The following GPBP1 variants were observed in gnomAD, a reference collection of about 807,000 sequenced individuals.
GPBP1 encodes the protein GC-rich promoter binding protein 1, also known as vasculin.
In GPBP1, 13 loss-of-function variants were observed where a neutral mutation model predicts 56.5. The ratio of observed to expected loss-of-function variants is 0.23; its 90% CI spans 0.15 to 0.37. The LOEUF (loss-of-function observed/expected upper bound fraction) is 0.37, where lower values mean the gene tolerates loss of function less well. GPBP1 is among the 10% of genes least tolerant of loss of function. The probability of loss-of-function intolerance (pLI) is 1.00; values close to 1 mark genes in which losing one functional copy is unlikely to be tolerated. For synonymous variants in GPBP1, 204 were observed against 188.9 expected (o/e 1.08, Z -0.66); for missense variants, 477 against 572.3 (o/e 0.83, Z 1.70).
At chr5:57,237,015 A>C in intron 6 of GPBP1, 1 of 504,150 alleles carries the variant, frequency 2.0e-6, no homozygotes. Context: ...GGGCTTTTTG[A>C]GGGTGGGGGT....
intron 9 of GPBP1, among the ~76,000 whole-genome samples, chr5:57,250,572 T>C (rs1386197682): frequency 1.3e-5 from 2 of 151,618 alleles, no homozygotes; most frequent in Non-Finnish European, 2.9e-5. Context: ...TTTTAGAGTT[T>C]TGCTCTTGTC....
intron 3 of GPBP1, among the ~76,000 whole-genome samples, chr5:57,228,007 A>G (rs771050474): frequency 1.3e-5 from 2 of 152,244 alleles, no homozygotes; most frequent in African/African-American, 2.4e-5. Flanking sequence ...TACTAGAAAT[A>G]AAGTTGCTAG....
chr5:57,226,709 G>T (rs1340252224), intron 3 of GPBP1, among the ~76,000 whole-genome samples: 4 of 144,346 alleles, frequency 2.8e-5, no homozygotes, highest in Non-Finnish European at 6.0e-5. Context: ...GCGCCACCAA[G>T]CCTGGCTAAT....
chr5:57,261,319 C>T (rs1741883543), intron 11 of GPBP1, 37 bp downstream of exon 11: 1 of 1,137,998 alleles, frequency 8.8e-7, no homozygotes, highest in African/African-American at 1.5e-5. Context: ...CACTTTTAAA[C>T]TGCCCTTATT....
chr5:57,193,546 G>A (rs1754617414), intron 2 of GPBP1, among the ~76,000 whole-genome samples: 1 of 149,000 alleles, frequency 6.7e-6, no homozygotes, highest in Non-Finnish European at 1.5e-5. Context: ...CCCAGGAGGT[G>A]GAGGTTGCAG....
chr5:57,195,972 C>T (rs1381412860), intron 2 of GPBP1, among the ~76,000 whole-genome samples: 33 of 90,112 alleles, frequency 3.7e-4, no homozygotes, highest in Admixed American at 1.6e-3. Context: ...CAGAGTGAAA[C>T]TCCATCTCAA....
At chr5:57,212,039 C>T (rs147058441) in intron 2 of GPBP1, among the ~76,000 whole-genome samples, 8 of 152,124 alleles carry the variant, frequency 5.3e-5, no homozygotes, top group Admixed American at 2.0e-4. Flanking sequence ...CAGGTTCAAG[C>T]GATTTTCCTG....
chr5:57,253,458 T>C (rs541966137), intron 10 of GPBP1, among the ~76,000 whole-genome samples: 21 of 152,348 alleles, frequency 1.4e-4, no homozygotes, highest in African/African-American at 4.8e-4. Flanking sequence ...AACTGGGTTA[T>C]ATCTCCTCTT....
intron 2 of GPBP1, among the ~76,000 whole-genome samples, chr5:57,202,864 C>A (rs1356333027): frequency 6.6e-6 from 1 of 152,002 alleles, no homozygotes; most frequent in African/African-American, 2.4e-5. Context: ...AAATTTTATC[C>A]CAATGAGTTC....
chr5:57,220,215 A>G (rs367993426), intron 3 of GPBP1, among the ~76,000 whole-genome samples: 18 of 151,714 alleles, frequency 1.2e-4, no homozygotes, highest in East Asian at 9.8e-4. Context: ...GTCTTGAACT[A>G]CTGAGCTCAG....
At position 57,185,990 on chromosome 5, in the gene GPBP1, C is replaced by T. The variant is rs924201196; in HGVS notation, c.-58+9590C>T. ...AGGCAAAAAAATTGGGTTGTCTTAA[C>T]GAATTGTGAGAATTCTTCATGTATT... On this transcript the variant is annotated intron_variant, in intron 2 of 11. Transcript: ENST00000506184. Among the ~76,000 whole-genome samples, 5 of 151,490 alleles carry T rather than the reference C, an allele frequency of 3.3e-5. 1 individual carries two copies. The highest frequency in any genetic ancestry group is 7.4e-5 in the Non-Finnish European group (5 of 67,944).
intron 6 of GPBP1, among the ~76,000 whole-genome samples, chr5:57,239,311 T>C (rs1171602492): frequency 6.6e-6 from 1 of 152,204 alleles, no homozygotes; most frequent in African/African-American, 2.4e-5. Flanking sequence ...ATTGTTGATA[T>C]TTGTGAAATG....
intron 2 of GPBP1, among the ~76,000 whole-genome samples, chr5:57,201,162 A>T (rs551132106): frequency 2.0e-5 from 3 of 152,002 alleles, no homozygotes; most frequent in Admixed American, 2.0e-4. Context: ...TCTGTATCGT[A>T]TGAGGTAATT....
At chr5:57,227,473 C>T (rs1397074664) in intron 3 of GPBP1, among the ~76,000 whole-genome samples, 1 of 152,126 alleles carries the variant, frequency 6.6e-6, no homozygotes, top group Non-Finnish European at 1.5e-5. Flanking sequence ...GGATTATGGC[C>T]ATGAGACACT....
intron 11 of GPBP1, among the ~76,000 whole-genome samples, chr5:57,261,586 G>C (rs1741895507): frequency 6.6e-6 from 1 of 152,114 alleles, no homozygotes; most frequent in Non-Finnish European, 1.5e-5. Context: ...TTAAACTATT[G>C]GGTGTGCAAT....
chr5:57,199,170 A>G (rs957057728), intron 2 of GPBP1, among the ~76,000 whole-genome samples: 1 of 152,232 alleles, frequency 6.6e-6, no homozygotes, highest in Non-Finnish European at 1.5e-5. Context: ...TTCTTTTAAC[A>G]TACAAAATAG....
At chr5:57,189,470 C>G (rs989812308) in intron 2 of GPBP1, among the ~76,000 whole-genome samples, 19 of 152,170 alleles carry the variant, frequency 1.2e-4, no homozygotes, top group African/African-American at 4.6e-4. Flanking sequence ...GTTGGACAGG[C>G]AGGTCTCGAA....
At chr5:57,216,311 T>C (rs1755696222) in intron 3 of GPBP1, among the ~76,000 whole-genome samples, 10 of 152,194 alleles carry the variant, frequency 6.6e-5, no homozygotes, top group Admixed American at 6.5e-4. Context: ...CCTGTCTTCT[T>C]GATTACAGCT....
At chr5:57,230,124 G>C (rs892574349) in intron 3 of GPBP1, among the ~76,000 whole-genome samples, 2 of 151,836 alleles carry the variant, frequency 1.3e-5, no homozygotes, top group East Asian at 3.9e-4. Context: ...GTAGAGACGG[G>C]GTTTCTCCAT....
Sources: gnomAD v4.1 joint callset for allele counts (sites outside exome capture counted in the v4.1 genomes callset) on GRCh38, gnomAD v4.1.1 for gene constraint, MANE v1.5 for transcripts, NCBI Gene and HGNC (gene_info 2026-07-23, HGNC 2026-07-21) for gene names.